The following PRKCZ variants were observed in gnomAD, a reference collection of about 807,000 sequenced individuals.
PRKCZ encodes the protein protein kinase C zeta, also known as protein kinase C zeta type.
Under a neutral mutation model 79.5 loss-of-function variants are expected in PRKCZ, and 33 were observed. That is an observed-to-expected ratio of 0.41 (90% CI 0.31 to 0.55). PRKCZ has a LOEUF of 0.55. PRKCZ is among the 20% of genes least tolerant of loss of function. The probability of loss-of-function intolerance (pLI) is 0.19; values close to 1 mark genes in which losing one functional copy is unlikely to be tolerated. For synonymous variants in PRKCZ, 342 were observed against 320.9 expected (o/e 1.07, Z -0.70); for missense variants, 578 against 813.5 (o/e 0.71, Z 3.52).
chr1:2,150,681 T>C, intron 8 of PRKCZ, 109 bp from the exon 9 acceptor site: 1 of 1,143,814 alleles, frequency 8.7e-7, no homozygotes, highest in Non-Finnish European at 1.2e-6. Context: ...CATGAGGCCC[T>C]GGGCTCTGAG....
rs1464992357 is a variant in PRKCZ at position 2,178,000 on chromosome 1, GT to G, written c.1575+2691del. Among the ~76,000 whole-genome samples the G allele has an allele frequency of 3.3e-5, 5 of 152,230 alleles. No individual in the cohort carries two copies. The highest frequency in any genetic ancestry group is 5.9e-5 in the Non-Finnish European group (4 of 68,048). On this transcript the variant is annotated intron_variant, in intron 16 of 17. Coordinates refer to ENST00000378567, the MANE Select transcript of PRKCZ (RefSeq NM_002744.6). The surrounding 1 kb of genome is among the most constrained non-coding windows in gnomAD (Gnocchi z 6.4). The stretch of plus-strand genomic sequence containing the variant: ...GAGGCTTTTAGGAAGAAGTGTGGCT[GT>G]TTTGGCCAGATTGCTTTAGCTGTCC...
chr1:2,062,688 A>G lies in PRKCZ; in HGVS notation c.334+3097A>G, dbSNP rs557406887. Among the ~76,000 whole-genome samples, 7 of 151,790 alleles carry G rather than the reference A, an allele frequency of 4.6e-5. No homozygotes were observed. The East Asian group carries it at 1.4e-3, about 29-fold the overall frequency. On this transcript the variant is annotated intron_variant, in intron 4 of 17. Coordinates refer to ENST00000378567, the MANE Select transcript of PRKCZ (RefSeq NM_002744.6). ...CTTTTTGTAGAGTTGGGGTTTTACC[A>G]TGTTGCCCAGGCTAGTCTCGAACTC...
intron 10 of PRKCZ, 112 bp from the exon 11 acceptor site, chr1:2,169,406 C>A: frequency 1.1e-6 from 1 of 902,952 alleles, no homozygotes; most frequent in Non-Finnish European, 1.8e-6. Context: ...CTTTGCAAGA[C>A]TGAACCTGCG....
intron 4 of PRKCZ, among the ~76,000 whole-genome samples, chr1:2,079,977 T>A (rs1313810789): frequency 1.3e-5 from 2 of 151,638 alleles, no homozygotes; most frequent in African/African-American, 4.8e-5. Flanking sequence ...AGGAAGGGGG[T>A]CTGGGGGTCG....
intron 4 of PRKCZ, among the ~76,000 whole-genome samples, chr1:2,111,186 C>T (rs959749001): frequency 4.6e-5 from 7 of 152,158 alleles, no homozygotes; most frequent in Non-Finnish European, 5.9e-5. Context: ...TTGGGCCTAA[C>T]TCGGGCTGAG....
intron 5 of PRKCZ, chr1:2,143,931 G>C (rs190088048): frequency 2.8e-6 from 1 of 358,106 alleles, no homozygotes; most frequent in East Asian, 5.3e-5. Context: ...GCAGCACCTC[G>C]TCACCCCTGC....
At chr1:2,074,356 G>C in intron 4 of PRKCZ, 1 of 1,530,700 alleles carries the variant, frequency 6.5e-7, no homozygotes, top group Non-Finnish European at 8.8e-7. Flanking sequence ...ATCGTCTTGG[G>C]CTCGTCTGCC....
At chr1:2,049,234 G>C (rs1659458949), upstream of PRKCZ, 2 of 152,504 alleles carry the variant, frequency 1.3e-5, no homozygotes, top group Non-Finnish European at 2.9e-5. Context: ...TAAAACGTGT[G>C]AGTGGGTGGT....
intron 4 of PRKCZ, among the ~76,000 whole-genome samples, chr1:2,109,603 G>A (rs144769072): frequency 0.013 from 1,911 of 152,328 alleles, 27 homozygotes; most frequent in African/African-American, 0.035. Context: ...TGGCTTCAGC[G>A]AGAGTCCATA....
At chr1:2,171,313 G>T (rs1379944716) in intron 11 of PRKCZ, among the ~76,000 whole-genome samples, 3 of 144,444 alleles carry the variant, frequency 2.1e-5, no homozygotes, top group Admixed American at 2.1e-4. Context: ...TTGCACTCCA[G>T]CCTGGGTGAC....
At position 2,150,964 on chromosome 1, in the gene PRKCZ, G is replaced by A. The variant is rs201824485; in HGVS notation, c.862G>A (p.Val288Met). 1.2e-6 allele frequency: 2 copies of A among 1,613,804 alleles called. No individual in the cohort carries two copies. The highest frequency in any genetic ancestry group is 1.3e-5 in the African/African-American group (1 of 75,064). The change falls in exon 9 of 18, where the codon GTG (valine) becomes ATG (methionine). Residue 288 changes from valine to methionine, a missense_variant. Val to Met is a conservative substitution (Grantham distance 21). Transcript: ENST00000378567. ...CATGAAAGTGGTGAAGAAAGAGCTG[G>A]TGCATGATGACGAGGTAGGTGCCGC... ...YAMKVVKKEL[V>M]HDDEDIDWVQ...
intron 10 of PRKCZ, 46 bp from the exon 11 acceptor site, chr1:2,169,472 C>T (rs1322636825): frequency 1.3e-6 from 2 of 1,515,002 alleles, no homozygotes; most frequent in Non-Finnish European, 1.8e-6. Context: ...AAGGAGGCCG[C>T]CGTCTGCCGA....
intron 16 of PRKCZ, among the ~76,000 whole-genome samples, chr1:2,180,391 C>T (rs144687285): frequency 7.6e-4 from 116 of 152,084 alleles, no homozygotes; most frequent in East Asian, 4.4e-3. Flanking sequence ...ACGACATGGA[C>T]GCACAGACGA....
chr1:2,118,243 C>A (rs1227515878), intron 4 of PRKCZ, among the ~76,000 whole-genome samples: 10 of 151,568 alleles, frequency 6.6e-5, no homozygotes, highest in African/African-American at 2.4e-4. Context: ...GTGATCCGCC[C>A]GCCTTGGCCT....
At chr1:2,110,507 G>T (rs1009547514) in intron 4 of PRKCZ, among the ~76,000 whole-genome samples, 1 of 152,168 alleles carries the variant, frequency 6.6e-6, no homozygotes, top group Admixed American at 6.5e-5. Context: ...CTGAATCTCC[G>T]GAGTCCCCCA....
At chr1:2,055,600 C>G (rs776110306) in intron 2 of PRKCZ, 38 bp downstream of exon 2, 2 of 1,593,534 alleles carry the variant, frequency 1.3e-6, no homozygotes, top group East Asian at 4.5e-5. Flanking sequence ...TCCTCAGCCT[C>G]AGGGGACTTC....
At chr1:2,104,915 C>T in intron 4 of PRKCZ, 2 of 985,476 alleles carry the variant, frequency 2.0e-6, no homozygotes, top group South Asian at 4.7e-5. Flanking sequence ...CTTTATTCTT[C>T]ACACCTCATT....
intron 16 of PRKCZ, among the ~76,000 whole-genome samples, chr1:2,179,375 T>C (rs1210967534): frequency 2.6e-5 from 4 of 152,164 alleles, no homozygotes; most frequent in African/African-American, 2.4e-5. Flanking sequence ...GGGCTGCCAC[T>C]CTAAGAGGGT....
chr1:2,166,294 A>G (rs1267817474), intron 10 of PRKCZ, among the ~76,000 whole-genome samples: 1 of 152,094 alleles, frequency 6.6e-6, no homozygotes, highest in African/African-American at 2.4e-5. Flanking sequence ...TGGTGCAAGC[A>G]TGTGGTCCCA....
Sources: gnomAD v4.1 joint callset for allele counts (sites outside exome capture counted in the v4.1 genomes callset) on GRCh38, gnomAD v4.1.1 for gene constraint, Gnocchi (gnomAD v3.1) non-coding constraint, MANE v1.5 for transcripts, NCBI Gene and HGNC (gene_info 2026-07-23, HGNC 2026-07-21) for gene names.